PPARGC1A: variants seen among roughly 807,000 people sequenced by gnomAD.
PPARGC1A encodes PPARG coactivator 1 alpha, also known as peroxisome proliferator-activated receptor gamma coactivator 1-alpha.
PPARGC1A carries 25 observed loss-of-function variants against 88.7 expected under a neutral mutation model. The ratio of observed to expected loss-of-function variants is 0.28; its 90% confidence interval spans 0.21 to 0.39. The LOEUF is 0.39. Ranked by LOEUF, PPARGC1A falls within the 10% of genes least tolerant of loss-of-function variation. The pLI is 1.00. For synonymous variants in PPARGC1A, 363 were observed against 355.6 expected (o/e 1.02, Z -0.24); for missense variants, 880 against 968.7 (o/e 0.91, Z 1.22).
the PPARGC1A span, among the ~76,000 whole-genome samples, chr4:24,033,320 A>G: frequency 3.9e-4 from 60 of 152,292 alleles, no homozygotes; most frequent in Non-Finnish European, 6.6e-4. Flanking sequence ...ACATTGTCTG[A>G]TGTATAATAG....
the PPARGC1A span, among the ~76,000 whole-genome samples, chr4:24,373,953 T>G: frequency 2.6e-5 from 4 of 152,314 alleles, no homozygotes; most frequent in African/African-American, 9.6e-5. Flanking sequence ...GACCTAGCAC[T>G]GAGCACAGAC....
the PPARGC1A span, among the ~76,000 whole-genome samples, chr4:24,164,227 T>C: frequency 2.8e-4 from 42 of 152,324 alleles, no homozygotes; most frequent in South Asian, 1.2e-3. Context: ...GGAAGTTGAA[T>C]GAGTCAGTAG....
intron 3 of PPARGC1A, 54 bp from the exon 4 acceptor site, chr4:23,829,639 G>C: frequency 6.5e-7 from 1 of 1,527,720 alleles, no homozygotes; most frequent in Non-Finnish European, 8.9e-7. Flanking sequence ...CATCTTTTAA[G>C]CATTGGAATA....
At chr4:23,971,127 G>T in the PPARGC1A span, among the ~76,000 whole-genome samples, 2 of 152,200 alleles carry the variant, frequency 1.3e-5, no homozygotes, top group Non-Finnish European at 2.9e-5. Context: ...TGCCCAAGTG[G>T]CTGTACCCAT....
the PPARGC1A span, among the ~76,000 whole-genome samples, chr4:24,396,321 A>T: frequency 1.3e-5 from 2 of 152,332 alleles, no homozygotes; most frequent in East Asian, 3.9e-4. Context: ...ACACATGCTC[A>T]TTCTAGATTT....
the PPARGC1A span, among the ~76,000 whole-genome samples, chr4:23,915,723 AG>A: frequency 6.6e-6 from 1 of 152,218 alleles, no homozygotes; most frequent in African/African-American, 2.4e-5. Context: ...GAATTCCAGG[AG>A]AAATTTATCA....
At chr4:23,881,643 T>C (rs931043253) in intron 2 of PPARGC1A, 1 of 152,210 alleles carries the variant, frequency 6.6e-6, no homozygotes, top group African/African-American at 2.4e-5. Flanking sequence ...TTTCCAGTGG[T>C]GTCATTGACG....
At chr4:24,453,137 G>A in the PPARGC1A span, among the ~76,000 whole-genome samples, 3 of 152,160 alleles carry the variant, frequency 2.0e-5, no homozygotes, top group Non-Finnish European at 4.4e-5. Context: ...GGAGAAGATG[G>A]CCAACTACAA....
At chr4:23,845,208 C>G (rs962999296) in intron 2 of PPARGC1A, among the ~76,000 whole-genome samples, 3 of 151,988 alleles carry the variant, frequency 2.0e-5, no homozygotes, top group Non-Finnish European at 4.4e-5. Flanking sequence ...TACATTAACC[C>G]TAGGCATAAC....
At chr4:24,240,497 C>A in the PPARGC1A span, among the ~76,000 whole-genome samples, 6 of 152,104 alleles carry the variant, frequency 3.9e-5, no homozygotes, top group Admixed American at 3.9e-4. Flanking sequence ...TAAACCCTTA[C>A]AAAGGAGTAT....
chr4:24,172,040 T>G, the PPARGC1A span, among the ~76,000 whole-genome samples: 1 of 152,006 alleles, frequency 6.6e-6, no homozygotes, highest in East Asian at 1.9e-4. Context: ...GTGTTCTGAG[T>G]CAATACAGAA....
intron 2 of PPARGC1A, chr4:23,875,817 G>A (rs144562313): frequency 2.6e-4 from 40 of 152,280 alleles, no homozygotes; most frequent in African/African-American, 9.6e-4. Flanking sequence ...AATAGAAGAT[G>A]TTTTGTGTGC....
At chr4:24,073,873 G>A in the PPARGC1A span, among the ~76,000 whole-genome samples, 2 of 152,148 alleles carry the variant, frequency 1.3e-5, no homozygotes, top group African/African-American at 4.8e-5. Context: ...GTCTCAGTGT[G>A]TGAAATGTGA....
At chr4:24,317,164 G>T in the PPARGC1A span, among the ~76,000 whole-genome samples, 1 of 151,958 alleles carries the variant, frequency 6.6e-6, no homozygotes, top group African/African-American at 2.4e-5. Context: ...CTAGGAGTGG[G>T]CATACTACCC....
chr4:23,947,321 G>A, the PPARGC1A span, among the ~76,000 whole-genome samples: 3 of 132,938 alleles, frequency 2.3e-5, no homozygotes, highest in African/African-American at 8.7e-5. Context: ...ATCCTGTAAG[G>A]CAGATATAAT....
the PPARGC1A span, among the ~76,000 whole-genome samples, chr4:24,326,633 A>T: frequency 2.0e-5 from 3 of 152,042 alleles, no homozygotes; most frequent in East Asian, 3.9e-4. Context: ...CCCATCTGTT[A>T]CCTATCTCGG....
the PPARGC1A span, among the ~76,000 whole-genome samples, chr4:24,274,854 T>C: frequency 1.3e-5 from 2 of 152,322 alleles, no homozygotes; most frequent in South Asian, 2.1e-4. Context: ...TTGTGTCCCA[T>C]GGGTAATGAT....
chr4:24,352,177 G>C, the PPARGC1A span, among the ~76,000 whole-genome samples: 2 of 152,140 alleles, frequency 1.3e-5, no homozygotes, highest in Non-Finnish European at 2.9e-5. Context: ...CGGAGGGACA[G>C]GAGGGGAATG....
At chr4:24,356,110 T>C in the PPARGC1A span, among the ~76,000 whole-genome samples, 1 of 150,970 alleles carries the variant, frequency 6.6e-6, no homozygotes, top group Admixed American at 6.6e-5. Flanking sequence ...GACAGGAGAA[T>C]CGCTTGAACC....
Sources: allele counts gnomAD v4.1 joint callset (sites outside exome capture counted in the v4.1 genomes callset), GRCh38; gene constraint gnomAD v4.1.1; transcripts MANE v1.5; gene names NCBI Gene and HGNC (gene_info 2026-07-23, HGNC 2026-07-21).